CADM2: variants seen among roughly 807,000 people sequenced by gnomAD.
The protein encoded by CADM2 is cell adhesion molecule 2.
In CADM2, 12 loss-of-function variants were observed where a neutral mutation model predicts 49.8. The observed-to-expected ratio is 0.24, with a 90% CI of 0.15 to 0.39. The LOEUF (loss-of-function observed/expected upper bound fraction) is 0.39, where lower values mean the gene tolerates loss of function less well. Among genes scored for constraint, CADM2 ranks in the 10% least tolerant of loss-of-function variants. CADM2 has a pLI of 1.00. For synonymous variants in CADM2, 214 were observed against 175.4 expected, an observed-to-expected ratio of 1.22 and a Z score of -1.74; for missense variants, 378 against 492.3, an observed-to-expected ratio of 0.77 and a Z score of 2.20.
chr3:85,330,485 A>G (rs1381570526), intron 1 of CADM2, among the ~76,000 whole-genome samples: 1 of 152,214 alleles, frequency 6.6e-6, no homozygotes, highest in Non-Finnish European at 1.5e-5. Context: ...AACAACACTG[A>G]CACCACTGCT....
At chr3:85,301,150 T>C (rs2044089644) in intron 1 of CADM2, among the ~76,000 whole-genome samples, 1 of 152,110 alleles carries the variant, frequency 6.6e-6, no homozygotes, top group Non-Finnish European at 1.5e-5. Flanking sequence ...GATTACACAG[T>C]GAGGGGCCTA....
intron 1 of CADM2, among the ~76,000 whole-genome samples, chr3:85,298,165 G>C (rs2044012254): frequency 6.6e-6 from 1 of 152,026 alleles, no homozygotes; most frequent in African/African-American, 2.4e-5. Context: ...AGAGGAAGAG[G>C]CTTCAGCTGC....
intron 1 of CADM2, among the ~76,000 whole-genome samples, chr3:85,670,714 G>C (rs1026243541): frequency 6.6e-6 from 1 of 152,176 alleles, no homozygotes; most frequent in Non-Finnish European, 1.5e-5. Context: ...GGAAGGAAGT[G>C]TTATCTCTGA....
chr3:85,883,565 TTCTC>T (rs1168896993), intron 4 of CADM2, 122 bp downstream of exon 4: 1 of 837,522 alleles, frequency 1.2e-6, no homozygotes, highest in Non-Finnish European at 1.7e-6. Flanking sequence ...GTTTAATCCT[TTCTC>T]TGCTACATTT....
chr3:85,912,476 C>T lies in CADM2; in HGVS notation c.633C>T (p.Ile211=). The T allele has an allele frequency of 6.2e-7, 1 of 1,614,064 alleles. No individual in the cohort carries two copies. The highest frequency in any genetic ancestry group is 2.2e-5 in the East Asian group (1 of 44,862). The part of the protein sequence containing the change: ...VDRSDDGVAV[I]CRVDHESLNA... Reference sequence around the variant, plus strand: ...GGAGTGATGATGGAGTGGCGGTCATCTGCAGAGTAGATCACGAATCCCTCA... The same window carrying T: ...GGAGTGATGATGGAGTGGCGGTCATTTGCAGAGTAGATCACGAATCCCTCA... The change falls in exon 6 of 10, where the codon ATC becomes ATT. Residue 211 remains isoleucine, a synonymous_variant. Transcript: ENST00000383699.
chr3:85,245,658 A>G (rs2042630985), intron 1 of CADM2, among the ~76,000 whole-genome samples: 1 of 152,096 alleles, frequency 6.6e-6, no homozygotes, highest in East Asian at 1.9e-4. Context: ...ACTTAAGGAA[A>G]TGACTCCTTG....
intron 1 of CADM2, among the ~76,000 whole-genome samples, chr3:85,563,422 T>C (rs1322038915): frequency 7.3e-6 from 1 of 136,546 alleles, no homozygotes; most frequent in Admixed American, 7.8e-5. Flanking sequence ...GGGGGGGTGG[T>C]AATTTAGCTA....
At chr3:85,129,942 T>C (rs2039169130) in intron 1 of CADM2, among the ~76,000 whole-genome samples, 2 of 152,230 alleles carry the variant, frequency 1.3e-5, no homozygotes, top group Admixed American at 1.3e-4. Context: ...GTTGATGCCT[T>C]CCACGCTTTT....
intron 8 of CADM2, among the ~76,000 whole-genome samples, chr3:86,049,898 G>T (rs1036547789): frequency 5.9e-5 from 9 of 152,260 alleles, no homozygotes; most frequent in Non-Finnish European, 1.2e-4. Context: ...ATGAAATTTG[G>T]TGGGGACACA....
chr3:85,270,474 A>G (rs985346858), intron 1 of CADM2, among the ~76,000 whole-genome samples: 1 of 151,340 alleles, frequency 6.6e-6, no homozygotes, highest in Non-Finnish European at 1.5e-5. Context: ...CATGCCTAAA[A>G]CATTCTGTTC....
intron 1 of CADM2, among the ~76,000 whole-genome samples, chr3:85,498,469 T>G (rs1422488534): frequency 2.0e-5 from 3 of 152,146 alleles, no homozygotes; most frequent in Non-Finnish European, 2.9e-5. Flanking sequence ...TAGTGAATGA[T>G]GAAACTACGG....
At chr3:85,255,167 C>G (rs2042857777) in intron 1 of CADM2, among the ~76,000 whole-genome samples, 1 of 151,954 alleles carries the variant, frequency 6.6e-6, no homozygotes, top group African/African-American at 2.4e-5. Context: ...AAAACAGAAA[C>G]TTGGGAATCA....
intron 3 of CADM2, among the ~76,000 whole-genome samples, chr3:85,807,630 G>A (rs1317902174): frequency 1.3e-5 from 2 of 151,782 alleles, no homozygotes; most frequent in Non-Finnish European, 2.9e-5. Flanking sequence ...GTCATGTGTA[G>A]ATATTTAAAT....
chr3:85,244,509 T>C (rs886628715), intron 1 of CADM2, among the ~76,000 whole-genome samples: 5 of 152,190 alleles, frequency 3.3e-5, no homozygotes, highest in African/African-American at 4.8e-5. Context: ...AATAGAAAAG[T>C]AATGTGAAAA....
At chr3:85,791,544 A>G (rs187527950) in intron 2 of CADM2, among the ~76,000 whole-genome samples, 4,784 of 99,478 alleles carry the variant, frequency 0.048, 147 homozygotes, top group African/African-American at 0.092. Flanking sequence ...GAGAGAGAGA[A>G]AGAGAGAGAG....
At chr3:85,571,607 G>T (rs1430550096) in intron 1 of CADM2, among the ~76,000 whole-genome samples, 2 of 152,160 alleles carry the variant, frequency 1.3e-5, no homozygotes, top group African/African-American at 4.8e-5. Flanking sequence ...ATTTGTATAT[G>T]TCCCATATAG....
rs547881707 is a variant in CADM2, at chr3:85,557,789, C to T, written c.62-168733C>T. On this transcript the variant is annotated intron_variant, in intron 1 of 9. Coordinates refer to ENST00000383699, the MANE Select transcript of CADM2 (RefSeq NM_001167675.2). ...GTTTAATATTTTGAGAACATTTAAT[C>T]TATTTGTGAGTCCAGTTCTGATCCT... is the stretch of plus-strand genomic sequence containing the variant. Among the ~76,000 whole-genome samples, 11 of 152,090 alleles carry T rather than the reference C, an allele frequency of 7.2e-5. No individual in the cohort carries two copies. The East Asian group carries it at 2.1e-3, about 29-fold the overall frequency.
At chr3:85,024,851 G>A (rs1035140674) in intron 1 of CADM2, among the ~76,000 whole-genome samples, 1 of 151,800 alleles carries the variant, frequency 6.6e-6, no homozygotes, top group African/African-American at 2.4e-5. Flanking sequence ...ATATACAATA[G>A]TCTCATTCAA....
intron 1 of CADM2, among the ~76,000 whole-genome samples, chr3:85,478,614 T>A (rs1304283825): frequency 6.6e-6 from 1 of 151,908 alleles, no homozygotes; most frequent in African/African-American, 2.4e-5. Context: ...ACCCAGGGAA[T>A]TTAATTATTG....
Sources: allele counts gnomAD v4.1 joint callset (sites outside exome capture counted in the v4.1 genomes callset), GRCh38; gene constraint gnomAD v4.1.1; transcripts MANE v1.5; gene names NCBI Gene and HGNC (gene_info 2026-07-23, HGNC 2026-07-21).